The following ARSH variants were observed in gnomAD, a reference collection of about 807,000 sequenced individuals.
ARSH encodes arylsulfatase H.
Under a neutral mutation model 28.7 loss-of-function variants are expected in ARSH, and 32 were observed. The observed-to-expected ratio is 1.11, with a 90% CI of 0.84 to 1.50. The LOEUF is 1.50. Among genes scored for constraint, ARSH ranks in the 40% most tolerant of loss-of-function variants. ARSH has a pLI of 0.00. For synonymous variants in ARSH, 176 were observed against 177.3 expected, an observed-to-expected ratio of 0.99 and a Z score of 0.06; for missense variants, 440 against 452.4, an observed-to-expected ratio of 0.97 and a Z score of 0.25.
Position 3,015,166 on chromosome X carries a change from T to C in ARSH, c.537T>C (p.Phe179=). The change falls in exon 4 of 9, where the codon TTT becomes TTC. Residue 179 remains phenylalanine, a synonymous_variant. Transcript: ENST00000381130. Reference sequence around the variant, plus strand: ...CGGTAGCCCTTGCCCTGGTTCCTTTTCTGCTTCTCATTCCCAAGTTCGCCC... The same window carrying C: ...CGGTAGCCCTTGCCCTGGTTCCTTTCCTGCTTCTCATTCCCAAGTTCGCCC... ...ISTVALALVP[F]LLLIPKFARW... is the part of the protein sequence containing the mutation. The C allele has an allele frequency of 1.7e-6, 2 of 1,208,957 alleles. No individual in the cohort carries two copies. Among genetic ancestry groups the C allele is most frequent in the East Asian group, 3.0e-5 (1 of 33,782 alleles).
At chrX:3,008,502 TTTC>T in intron 1 of ARSH, among the ~76,000 whole-genome samples, 1 of 100,492 alleles carries the variant, frequency 1.0e-5, no homozygotes, top group Non-Finnish European at 2.0e-5. Context: ...TCTTTCTTTC[TTTC>T]TTTCTTTCTT....
At chrX:3,013,470 C>A (rs2089856850) in intron 3 of ARSH, among the ~76,000 whole-genome samples, 1 of 109,523 alleles carries the variant, frequency 9.1e-6, no homozygotes, top group Admixed American at 1.0e-4. Context: ...GCAGAAAAAC[C>A]AGTAAATTTG....
At chrX:3,030,006 C>T (rs2089909627) in intron 8 of ARSH, among the ~76,000 whole-genome samples, 1 of 112,036 alleles carries the variant, frequency 8.9e-6, no homozygotes, top group Admixed American at 9.5e-5. Context: ...AGGTGTGACC[C>T]ACCACAGCCG....
chrX:3,010,670 C>T (rs921748957), intron 2 of ARSH, among the ~76,000 whole-genome samples: 6 of 112,263 alleles, frequency 5.3e-5, no homozygotes, highest in Non-Finnish European at 9.4e-5. Context: ...TGTTCCTTTG[C>T]TGCTTAGCTT....
In ARSH at chrX:3,010,074, C is replaced by T. The variant is rs907680340; in HGVS notation, c.137C>T (p.Thr46Ile). Residue 46 changes from threonine (T) to isoleucine (I), a missense_variant, in exon 2 of 9, where the codon ACC (threonine) becomes ATC (isoleucine). Coordinates refer to ENST00000381130, the MANE Select transcript of ARSH (RefSeq NM_001011719.2). ...CTGGCAAGTGAAGGAGTGAGGCTTA[C>T]CCAGCATCTCGCAGCTGCTTCCATG... is the stretch of plus-strand genomic sequence containing the variant. ...DRLASEGVRL[T>I]QHLAAASMCT... 3 of 1,209,284 alleles carry T rather than the reference C, an allele frequency of 2.5e-6. No individual in the cohort carries two copies. The highest frequency in any genetic ancestry group is 1.8e-5 in the African/African-American group (1 of 57,080).
chrX:3,008,739 TTG>T (rs1278515105), intron 1 of ARSH, among the ~76,000 whole-genome samples: 17 of 31,432 alleles, frequency 5.4e-4, no homozygotes, highest in African/African-American at 2.2e-3. Context: ...TTCTTTTGTT[TTG>T]TTTTTTTTTT....
chrX:3,021,895 G>A (rs1285800960), intron 5 of ARSH, among the ~76,000 whole-genome samples: 2 of 107,164 alleles, frequency 1.9e-5, no homozygotes, highest in Non-Finnish European at 3.8e-5. Flanking sequence ...GTGTGTGTGT[G>A]TGTGTGTGTG....
intron 2 of ARSH, among the ~76,000 whole-genome samples, chrX:3,012,597 ATAATATATATATGTATG>A (rs1384582745): frequency 6.8e-5 from 2 of 29,612 alleles, no homozygotes; most frequent in African/African-American, 2.9e-4. Context: ...ATATATATAT[ATAATATATATATGTATG>A]TGTATATACA....
chrX:3,014,479 G>T (rs914087245), intron 3 of ARSH, among the ~76,000 whole-genome samples: 1 of 110,914 alleles, frequency 9.0e-6, no homozygotes, highest in Non-Finnish European at 1.9e-5. Context: ...CCTAGAAGAG[G>T]TGTTCCATCT....
chrX:3,033,367 C>G lies in ARSH; in HGVS notation c.1671C>G (p.Ile557Met). 5.8e-6 allele frequency: 7 copies of G among 1,203,244 alleles called. No homozygotes were observed. The highest frequency in any genetic ancestry group is 7.9e-6 in the Non-Finnish European group (7 of 891,465). The change falls in exon 9 of 9, where the codon ATC becomes ATG. Residue 557 changes from isoleucine (I) to methionine (M), a missense_variant. Coordinates refer to ENST00000381130, the MANE Select transcript of ARSH (RefSeq NM_001011719.2). ...GTGGGTGTGACAAGGAAGATGACATCCTTCCCATGGCTCCCTGAGACCATG... is the reference window on the plus strand; with the variant it reads ...GTGGGTGTGACAAGGAAGATGACATGCTTCCCATGGCTCCCTGAGACCATG... ...PFCGCDKEDD[I>M]LPMAP
At chrX:3,009,628 C>T (rs1476166620) in intron 1 of ARSH, among the ~76,000 whole-genome samples, 2 of 110,285 alleles carry the variant, frequency 1.8e-5, no homozygotes, top group African/African-American at 3.3e-5. Flanking sequence ...CTACACTCCA[C>T]CCTGGGCAAC....
chrX:3,020,446 G>T (rs2089879305), intron 5 of ARSH, among the ~76,000 whole-genome samples: 1 of 104,426 alleles, frequency 9.6e-6, no homozygotes, highest in Non-Finnish European at 2.0e-5. Context: ...AAAATGAGCC[G>T]GGCGCGGTGG....
intron 2 of ARSH, among the ~76,000 whole-genome samples, chrX:3,010,664 C>T (rs1170311952): frequency 4.5e-5 from 5 of 112,195 alleles, no homozygotes; most frequent in Non-Finnish European, 7.5e-5. Flanking sequence ...TAAATGTGTT[C>T]CTTTGCTGCT....
chrX:3,013,544 T>G (rs1453313288), intron 3 of ARSH, among the ~76,000 whole-genome samples: 2 of 85,225 alleles, frequency 2.3e-5, no homozygotes, highest in African/African-American at 9.3e-5. Flanking sequence ...AGGCAATTGC[T>G]GGTCGACTTA....
chrX:3,029,335 T>C lies in ARSH; in HGVS notation c.1288T>C (p.Tyr430His). 8.3e-7 allele frequency: 1 copy of C among 1,210,759 alleles called. No individual in the cohort carries two copies. Among genetic ancestry groups the C allele is most frequent in the South Asian group, 1.8e-5 (1 of 56,780 alleles). Residue 430 changes from tyrosine to histidine, a missense_variant, in exon 8 of 9, where the codon TAT becomes CAT. Transcript: ENST00000381130. ...HEFLFHYCGV[Y>H]LHTVRWHQKD... ...GTTCCTCTTCCACTACTGTGGGGTC[T>C]ATCTGCACACGGTCAGGTGGCATCA...
At chrX:3,014,503 C>T (rs1041817789) in intron 3 of ARSH, among the ~76,000 whole-genome samples, 1 of 110,858 alleles carries the variant, frequency 9.0e-6, no homozygotes, top group African/African-American at 3.3e-5. Flanking sequence ...CATAAAATCT[C>T]GGTTACCTTT....
chrX:3,009,772 A>G (rs1006129421), intron 1 of ARSH, among the ~76,000 whole-genome samples: 6 of 111,877 alleles, frequency 5.4e-5, no homozygotes, highest in African/African-American at 1.9e-4. Flanking sequence ...TTTTTCTCAG[A>G]CTCATAAAAC....
chrX:3,011,930 C>T (rs2089847824), intron 2 of ARSH, among the ~76,000 whole-genome samples: 1 of 111,562 alleles, frequency 9.0e-6, no homozygotes, highest in African/African-American at 3.3e-5. Context: ...GCAACCTCTG[C>T]CTCCCAGGTT....
At position 3,006,668 on chromosome X, in the gene ARSH, T is replaced by C; in HGVS notation, c.56T>C (p.Val19Ala). The C allele has an allele frequency of 1.7e-6, 2 of 1,209,196 alleles. No individual in the cohort carries two copies. The highest frequency in any genetic ancestry group is 2.2e-6 in the Non-Finnish European group (2 of 894,626). ...IVLLMADDLG[V>A]GDLCCYGNNS... is the part of the protein sequence containing the mutation. ...CTGCTGATGGCAGATGACCTTGGAG[T>C]GGGGGATTTGTGCTGCTACGGTAAT... Residue 19 changes from valine to alanine, a missense_variant, in exon 1 of 9, where the codon GTG (valine) becomes GCG (alanine). Physicochemically the swap from Val to Ala is moderately conservative, Grantham distance 64 (BLOSUM62 0). Coordinates refer to ENST00000381130, the MANE Select transcript of ARSH (RefSeq NM_001011719.2).
Sources: allele counts gnomAD v4.1 joint callset (sites outside exome capture counted in the v4.1 genomes callset), GRCh38; gene constraint gnomAD v4.1.1; transcripts MANE v1.5; gene names NCBI Gene and HGNC (gene_info 2026-07-23, HGNC 2026-07-21).